The following TMEM30A variants were observed in gnomAD, a reference collection of about 807,000 sequenced individuals.
TMEM30A encodes the protein cell cycle control protein 50A.
Under a neutral mutation model 38.2 loss-of-function variants are expected in TMEM30A, and 24 were observed. That is an observed-to-expected ratio of 0.63 (90% CI 0.46 to 0.88). TMEM30A has a LOEUF of 0.88. TMEM30A is among the 40% of genes least tolerant of loss of function. The pLI, the probability that TMEM30A is intolerant of heterozygous loss-of-function variation, is 0.00. For missense variants in TMEM30A, 370 were observed against 458.6 expected, an observed-to-expected ratio of 0.81 and a Z score of 1.77; for synonymous variants, 145 against 161.6, an observed-to-expected ratio of 0.90 and a Z score of 0.78.
Position 75,255,354 on chromosome 6 carries a change from C to T in TMEM30A, c.*748G>A, listed in dbSNP as rs78758726. 1,075 of 152,604 alleles carry T rather than the reference C, an allele frequency of 7.0e-3. 33 individuals carry two copies. The East Asian group carries it at 0.11, about 15-fold the overall frequency. 9.5% of individuals were successfully genotyped at this position (152,604 alleles called of 1,614,324 possible). On this transcript the variant is annotated 3_prime_UTR_variant, in exon 7 of 7. Transcript: ENST00000230461. ...TCTTTCTTCCCTTATAAAGTATAAG[C>T]TTCAAGGGAAATGATTACATATAAA...
intron 1 of TMEM30A, among the ~76,000 whole-genome samples, chr6:75,281,903 T>A (rs1772362199): frequency 6.6e-6 from 1 of 152,180 alleles, no homozygotes; most frequent in African/African-American, 2.4e-5. Flanking sequence ...GTTTGGGGAA[T>A]TTCCAGACAC....
intron 1 of TMEM30A, among the ~76,000 whole-genome samples, chr6:75,269,288 A>G (rs1772125966): frequency 6.6e-6 from 1 of 151,802 alleles, no homozygotes; most frequent in African/African-American, 2.4e-5. Context: ...GCCCTAAAAA[A>G]CCTCTGTACT....
chr6:75,264,868 G>A (rs1258866611), intron 3 of TMEM30A, among the ~76,000 whole-genome samples: 8 of 152,104 alleles, frequency 5.3e-5, no homozygotes, highest in Admixed American at 1.3e-4. Context: ...GTGGGAGGCC[G>A]AGGTGGGCAG....
intron 5 of TMEM30A, 71 bp downstream of exon 5, chr6:75,259,274 GAA>G: frequency 6.8e-7 from 1 of 1,477,918 alleles, no homozygotes; most frequent in Non-Finnish European, 9.1e-7. Flanking sequence ...TTAAGATTCT[GAA>G]GATAGAAAAT....
At chr6:75,270,169 CCAT>C (rs1365569742) in intron 1 of TMEM30A, among the ~76,000 whole-genome samples, 1 of 152,170 alleles carries the variant, frequency 6.6e-6, no homozygotes, top group African/African-American at 2.4e-5. Flanking sequence ...ATTTTGCATT[CCAT>C]CATAATTCCT....
chr6:75,259,262 CTT>C, intron 5 of TMEM30A, 83 bp downstream of exon 5: 2 of 1,440,148 alleles, frequency 1.4e-6, no homozygotes, highest in Admixed American at 2.3e-5. Flanking sequence ...CAAAGCATAA[CTT>C]TAAGATTCTG....
chr6:75,258,262 G>A (rs907136029), intron 6 of TMEM30A, among the ~76,000 whole-genome samples: 7 of 152,134 alleles, frequency 4.6e-5, no homozygotes, highest in Admixed American at 2.0e-4. Flanking sequence ...AGTTAGAGTG[G>A]AATAAATGTA....
chr6:75,260,333 G>A (rs978944110), intron 4 of TMEM30A, among the ~76,000 whole-genome samples: 8 of 152,062 alleles, frequency 5.3e-5, no homozygotes, highest in African/African-American at 1.9e-4. Flanking sequence ...TTGAACCCAG[G>A]GAGCAGAGGT....
chr6:75,282,719 A>C (rs917478949), intron 1 of TMEM30A, among the ~76,000 whole-genome samples: 17 of 152,220 alleles, frequency 1.1e-4, no homozygotes, highest in Non-Finnish European at 1.9e-4. Context: ...CTCCTGATTA[A>C]GGATCAGGAG....
intron 4 of TMEM30A, among the ~76,000 whole-genome samples, chr6:75,260,455 T>G (rs1771946591): frequency 6.6e-6 from 1 of 152,090 alleles, no homozygotes; most frequent in African/African-American, 2.4e-5. Context: ...TAAAATTACC[T>G]ACAGGACTTG....
At chr6:75,258,348 G>T (rs1360330801) in intron 6 of TMEM30A, among the ~76,000 whole-genome samples, 1 of 152,048 alleles carries the variant, frequency 6.6e-6, no homozygotes, top group African/African-American at 2.4e-5. Context: ...ACTACCAATA[G>T]ATCAAAATCA....
chr6:75,280,186 T>C lies in TMEM30A; in HGVS notation c.237+4216A>G, dbSNP rs141996057. ...CTGTACAAAGACAGAACCTAAGCAA[T>C]TGCCAGGGATCATTACACCTATCTT... On this transcript the variant is annotated intron_variant, in intron 1 of 6. Transcript: ENST00000230461. 3.1e-3 allele frequency among the ~76,000 whole-genome samples: 473 copies of C among 152,264 alleles called. 5 individuals are homozygous for C. In the South Asian group the frequency reaches 0.032, roughly 10 times the overall value.
rs760730653 is a variant in TMEM30A at position 75,260,778 on chromosome 6, C to T, written c.541+46G>A. The T allele has an allele frequency of 8.4e-6, 10 of 1,190,214 alleles. No homozygotes were observed. In the East Asian group the frequency reaches 2.1e-4, roughly 25 times the overall value. The allele number at this position is 1,190,214 out of a possible 1,614,324, so 73.7% of individuals were successfully genotyped here. On this transcript the variant is annotated intron_variant, in intron 4 of 6. Coordinates refer to ENST00000230461, the MANE Select transcript of TMEM30A (RefSeq NM_018247.4). Reference sequence around the variant, plus strand: ...CTATCAAATCTGTAATGAAATTATGCAAATTGTCCTAATTATATATGTCTA... The same window carrying T: ...CTATCAAATCTGTAATGAAATTATGTAAATTGTCCTAATTATATATGTCTA...
In TMEM30A at chr6:75,267,763, T is replaced by C. The variant is rs1157925010; in HGVS notation, c.238-15A>G. ...GTATAATCAATCTGCAAGAGAAAAATATAACTAAGCACTTCCTTAGAGAAA... is the reference window on the plus strand; with the variant it reads ...GTATAATCAATCTGCAAGAGAAAAACATAACTAAGCACTTCCTTAGAGAAA... On this transcript the variant is annotated splice_polypyrimidine_tract_variant and intron_variant, in intron 1 of 6. Transcript: ENST00000230461. 2 of 1,555,364 alleles carry C rather than the reference T, an allele frequency of 1.3e-6. No individual in the cohort carries two copies. Among genetic ancestry groups the C allele is most frequent in the East Asian group, 2.3e-5 (1 of 43,916 alleles).
intron 1 of TMEM30A, among the ~76,000 whole-genome samples, chr6:75,283,628 T>C (rs1260344100): frequency 6.6e-6 from 1 of 151,570 alleles, no homozygotes; most frequent in Non-Finnish European, 1.5e-5. Flanking sequence ...ACTTACTCCC[T>C]GAGTGTGGTC....
At chr6:75,270,293 A>T (rs1204034880) in intron 1 of TMEM30A, among the ~76,000 whole-genome samples, 1 of 152,068 alleles carries the variant, frequency 6.6e-6, no homozygotes, top group African/African-American at 2.4e-5. Context: ...TTCTCTATTG[A>T]TATATGATGT....
rs73750964 is a variant in TMEM30A at position 75,267,548 on chromosome 6, T to C, written c.345+93A>G. On this transcript the variant is annotated intron_variant, in intron 2 of 6. Transcript: ENST00000230461. ...CTCCAGTAAATTATACAGACTTCTCTATAAAAGGAAAATACCTTGTAAAAG... is the reference window on the plus strand; with the variant it reads ...CTCCAGTAAATTATACAGACTTCTCCATAAAAGGAAAATACCTTGTAAAAG... 1,738 of 835,370 alleles carry C rather than the reference T, an allele frequency of 2.1e-3. 17 individuals carry two copies. In the African/African-American group the frequency reaches 0.028, roughly 13 times the overall value. 51.7% of individuals were successfully genotyped at this position (835,370 alleles called of 1,614,324 possible).
chr6:75,260,970 G>A, intron 3 of TMEM30A, 59 bp from the exon 4 acceptor site: 4 of 1,164,056 alleles, frequency 3.4e-6, no homozygotes, highest in South Asian at 3.0e-5. Flanking sequence ...GGAGAACTAT[G>A]AGCTATCCCT....
In TMEM30A at chr6:75,259,443, T is replaced by A. The variant is rs763729259; in HGVS notation, c.589A>T (p.Ile197Phe). The A allele has an allele frequency of 1.2e-6, 2 of 1,613,014 alleles. No homozygotes were observed. Among genetic ancestry groups the A allele is most frequent in the Non-Finnish European group, 1.7e-6 (2 of 1,179,306 alleles). ...LIGNDSYPIP[I>F]ALKKKGIAWW... ...GCAATACCTTTCTTTTTCAAAGCGATAGGTATAGGATAAGAATCATTGCCA... is the reference window on the plus strand; with the variant it reads ...GCAATACCTTTCTTTTTCAAAGCGAAAGGTATAGGATAAGAATCATTGCCA... The change falls in exon 5 of 7, where the codon ATC (isoleucine) becomes TTC (phenylalanine). Residue 197 changes from isoleucine (I) to phenylalanine (F), a missense_variant. Physicochemically the swap from Ile to Phe is conservative, Grantham distance 21 (BLOSUM62 0). Coordinates refer to ENST00000230461, the MANE Select transcript of TMEM30A (RefSeq NM_018247.4).
Sources: allele counts gnomAD v4.1 joint callset (sites outside exome capture counted in the v4.1 genomes callset), GRCh38; gene constraint gnomAD v4.1.1; transcripts MANE v1.5; gene names NCBI Gene and HGNC (gene_info 2026-07-23, HGNC 2026-07-21).